CLIP2: variants seen among roughly 807,000 people sequenced by gnomAD.
The protein encoded by CLIP2 is CAP-Gly domain-containing linker protein 2.
Under a neutral mutation model 111.7 loss-of-function variants are expected in CLIP2, and 41 were observed. The ratio of observed to expected loss-of-function variants is 0.37; its 90% CI spans 0.29 to 0.48. CLIP2 has a LOEUF of 0.48. Among genes scored for constraint, CLIP2 ranks in the 20% least tolerant of loss-of-function variants. The pLI, the probability that CLIP2 is intolerant of heterozygous loss-of-function variation, is 0.99. For synonymous variants in CLIP2, 660 were observed against 644.2 expected (o/e 1.02, Z -0.37); for missense variants, 1,160 against 1,422.1 (o/e 0.82, Z 2.96).
At chr7:74,366,043 G>T (rs922939108) in intron 8 of CLIP2, among the ~76,000 whole-genome samples, 1 of 152,012 alleles carries the variant, frequency 6.6e-6, no homozygotes, top group African/African-American at 2.4e-5. Context: ...CTCCCAAAGG[G>T]CTGGGATTAC....
intron 16 of CLIP2, among the ~76,000 whole-genome samples, chr7:74,402,253 C>A (rs1791642513): frequency 6.6e-6 from 1 of 151,480 alleles, no homozygotes; most frequent in Non-Finnish European, 1.5e-5. Flanking sequence ...TGGCATGAAC[C>A]CGGAAGGCGG....
At position 74,376,583 on chromosome 7, in the gene CLIP2, G is replaced by GCCGAGCT. The variant is rs1446284888; in HGVS notation, c.2183_2189dup (p.Val732AlafsTer62). 1 of 1,611,362 alleles carries GCCGAGCT rather than the reference G, an allele frequency of 6.2e-7. No homozygotes were observed. The highest frequency in any genetic ancestry group is 1.3e-5 in the African/African-American group (1 of 74,920). ...GGAGGCCCAGGACCAGCGCCGGGAT[G>GCCGAGCT]CCGAGCTGCGTGTGCACGAGCTGGA... On this transcript the variant is annotated frameshift_variant, in exon 10 of 17. Coordinates refer to ENST00000223398, the MANE Select transcript of CLIP2 (RefSeq NM_003388.5). LOFTEE classifies it high-confidence loss of function. This position sits in a 1 kb window ranked among gnomAD's most constrained non-coding sequence, Gnocchi z 7.1.
chr7:74,386,711 C>A (rs1467482138), intron 12 of CLIP2, 107 bp downstream of exon 12: 3 of 785,626 alleles, frequency 3.8e-6, no homozygotes, highest in Non-Finnish European at 5.8e-6. Context: ...AGGGTCCCCT[C>A]CCCGACTCTG....
chr7:74,356,799 T>G (rs782120286), intron 5 of CLIP2, among the ~76,000 whole-genome samples, 176 bp downstream of exon 5: 13 of 152,222 alleles, frequency 8.5e-5, no homozygotes, highest in Non-Finnish European at 1.5e-5. Context: ...TTACCTTTAT[T>G]GCTGTTTTTA....
chr7:74,317,542 C>A lies in CLIP2; in HGVS notation c.-5C>A. The A allele has an allele frequency of 7.0e-7, 1 of 1,423,686 alleles. No homozygotes were observed. The highest frequency in any genetic ancestry group is 9.3e-7 in the Non-Finnish European group (1 of 1,080,196). The allele number at this position is 1,423,686 out of a possible 1,614,324, so 88.2% of individuals were successfully genotyped here. ...ACCCTTGTCCACCTGCCCAGTGGCACCGCCATGCAGAAGCCCAGCGGCCTG... is the reference window on the plus strand; with the variant it reads ...ACCCTTGTCCACCTGCCCAGTGGCAACGCCATGCAGAAGCCCAGCGGCCTG... On this transcript the variant is annotated 5_prime_UTR_variant, in exon 2 of 17. Transcript: ENST00000223398.
At chr7:74,385,176 T>C (rs1233564543) in intron 11 of CLIP2, among the ~76,000 whole-genome samples, 2 of 142,668 alleles carry the variant, frequency 1.4e-5, no homozygotes, top group African/African-American at 2.6e-5. Flanking sequence ...ATGCCTGTAA[T>C]CGCAGCTACT....
intron 2 of CLIP2, among the ~76,000 whole-genome samples, chr7:74,327,345 C>T (rs1584328658): frequency 6.6e-6 from 1 of 152,192 alleles, no homozygotes; most frequent in South Asian, 2.1e-4. Context: ...TCAAGTGATC[C>T]ACCTGCCTCG....
chr7:74,339,128 G>A, intron 3 of CLIP2, 124 bp downstream of exon 3: 1 of 832,642 alleles, frequency 1.2e-6, no homozygotes, highest in Non-Finnish European at 1.8e-6. Flanking sequence ...CTCGGACAGG[G>A]TCCAGCCTGG....
chr7:74,387,469 T>TC (rs1180129679), intron 12 of CLIP2, among the ~76,000 whole-genome samples: 4 of 152,170 alleles, frequency 2.6e-5, no homozygotes, highest in African/African-American at 9.6e-5. Flanking sequence ...CAGGCTGGTC[T>TC]CCAACTCCTG....
intron 7 of CLIP2, among the ~76,000 whole-genome samples, chr7:74,362,761 C>G (rs1161841388): frequency 1.3e-5 from 2 of 152,006 alleles, no homozygotes; most frequent in Admixed American, 6.6e-5. Context: ...TCTTGAACTC[C>G]TGGACTCAAG....
rs141516825 is a variant in CLIP2, at chr7:74,357,825, C to T, written c.1215+348C>T. ...AGGCTGGGGTGTAGTGGTGCAATCT[C>T]GGCTCACTGCAACCTCCACCTCCTC... On this transcript the variant is annotated intron_variant, in intron 6 of 16. Transcript: ENST00000223398. Among the ~76,000 whole-genome samples the T allele has an allele frequency of 2.8e-4, 42 of 150,780 alleles. No individual in the cohort carries two copies. In the East Asian group the frequency reaches 7.0e-3, roughly 25 times the overall value.
intron 11 of CLIP2, among the ~76,000 whole-genome samples, chr7:74,382,095 T>TG (rs1554314007): frequency 1.3e-5 from 2 of 151,860 alleles, no homozygotes. Flanking sequence ...TTTGCATTTT[T>TG]TTTTTGAGAC....
chr7:74,401,931 G>C (rs570557848), intron 16 of CLIP2, among the ~76,000 whole-genome samples: 1 of 151,668 alleles, frequency 6.6e-6, no homozygotes, highest in South Asian at 2.1e-4. Flanking sequence ...CGGGTAGGGT[G>C]GACAATATAG....
chr7:74,400,137 G>A (rs1008844051), intron 14 of CLIP2, among the ~76,000 whole-genome samples: 2 of 143,808 alleles, frequency 1.4e-5, no homozygotes, highest in African/African-American at 2.6e-5. Context: ...GTGATAGAGC[G>A]AGACTCTGTC....
At chr7:74,384,613 T>C (rs1186980040) in intron 11 of CLIP2, among the ~76,000 whole-genome samples, 3 of 151,442 alleles carry the variant, frequency 2.0e-5, no homozygotes, top group Non-Finnish European at 4.4e-5. Context: ...GCCTGGCTAA[T>C]TTTTGTATTT....
intron 2 of CLIP2, among the ~76,000 whole-genome samples, chr7:74,326,661 G>T (rs1169614019): frequency 6.6e-6 from 1 of 150,688 alleles, no homozygotes; most frequent in African/African-American, 2.4e-5. Context: ...TTTTGAGACG[G>T]AATCTCTCTC....
chr7:74,325,293 G>C (rs2116521789), intron 2 of CLIP2, among the ~76,000 whole-genome samples: 1 of 152,268 alleles, frequency 6.6e-6, no homozygotes, highest in African/African-American at 2.4e-5. Flanking sequence ...AGGGAGAGGT[G>C]GTCAGAGCAG....
intron 1 of CLIP2, among the ~76,000 whole-genome samples, chr7:74,316,657 G>C (rs1188598712): frequency 6.6e-6 from 1 of 151,738 alleles, no homozygotes; most frequent in Admixed American, 6.6e-5. Flanking sequence ...CGCCTCCTGG[G>C]TTCAAGTGAT....
chr7:74,317,214 A>G (rs1398100891), intron 1 of CLIP2, among the ~76,000 whole-genome samples: 2 of 152,126 alleles, frequency 1.3e-5, no homozygotes, highest in East Asian at 3.9e-4. Context: ...TGAGGCAGGT[A>G]ACTGCACACC....
Sources: allele counts gnomAD v4.1 joint callset (sites outside exome capture counted in the v4.1 genomes callset), GRCh38; gene constraint gnomAD v4.1.1; non-coding constraint Gnocchi (gnomAD v3.1); transcripts MANE v1.5; gene names NCBI Gene and HGNC (gene_info 2026-07-23, HGNC 2026-07-21).